CHD6: variants seen among roughly 807,000 people sequenced by gnomAD.
CHD6 encodes the protein ATP-dependent chromatin remodeler CHD6.
Under a neutral mutation model 276.9 loss-of-function variants are expected in CHD6, and 50 were observed. That is an observed-to-expected ratio of 0.18 (90% confidence interval 0.14 to 0.23). The LOEUF (loss-of-function observed/expected upper bound fraction) is 0.23, where lower values mean the gene tolerates loss of function less well. Ranked by LOEUF, CHD6 falls within the 10% of genes least tolerant of loss-of-function variation. The pLI, the probability that CHD6 is intolerant of heterozygous loss-of-function variation, is 1.00. For missense variants in CHD6, 2,564 were observed against 3,365.8 expected (o/e 0.76, Z 5.89); for synonymous variants, 1,173 against 1,229.3 (o/e 0.95, Z 0.96).
At chr20:41,550,345 G>T (rs1164142796) in intron 2 of CHD6, among the ~76,000 whole-genome samples, 1 of 152,138 alleles carries the variant, frequency 6.6e-6, no homozygotes. Flanking sequence ...TTTGAGCTAG[G>T]ACAGATATAA....
intron 5 of CHD6, 25 bp from the exon 6 acceptor site, chr20:41,499,382 G>A (rs546649612): frequency 2.7e-6 from 4 of 1,506,510 alleles, no homozygotes; most frequent in Non-Finnish European, 3.6e-6. Context: ...AAAAAAAAAA[G>A]AAAATTGCTG....
At chr20:41,496,048 AC>A (rs1465628090) in intron 8 of CHD6, among the ~76,000 whole-genome samples, 1 of 152,172 alleles carries the variant, frequency 6.6e-6, no homozygotes, top group African/African-American at 2.4e-5. Flanking sequence ...AAAGTCCCTC[AC>A]TGAATCCTGG....
chr20:41,580,742 T>C (rs1194545302), intron 1 of CHD6, among the ~76,000 whole-genome samples: 1 of 147,070 alleles, frequency 6.8e-6, no homozygotes, highest in African/African-American at 2.6e-5. Flanking sequence ...AAAACAACAA[T>C]AAATGATGTC....
At chr20:41,566,154 T>TAAAA (rs1372394614) in intron 1 of CHD6, among the ~76,000 whole-genome samples, 1 of 152,180 alleles carries the variant, frequency 6.6e-6, no homozygotes, top group Non-Finnish European at 1.5e-5. Flanking sequence ...ACACCCCACA[T>TAAAA]AATTTTCTAA....
chr20:41,611,033 G>C (rs1417578843), intron 1 of CHD6, among the ~76,000 whole-genome samples: 1 of 152,164 alleles, frequency 6.6e-6, no homozygotes, highest in Non-Finnish European at 1.5e-5. Context: ...GTCCCCGCTG[G>C]AACAGCTGCC....
At chr20:41,453,547 C>T (rs577938492) in intron 20 of CHD6, among the ~76,000 whole-genome samples, 93 of 152,272 alleles carry the variant, frequency 6.1e-4, no homozygotes, top group Admixed American at 1.8e-3. Context: ...CTCCTTCCCC[C>T]ATACCTCTTC....
At position 41,404,682 on chromosome 20, in the gene CHD6, C is replaced by T. The variant is rs374665904; in HGVS notation, c.8059G>A (p.Glu2687Lys). Residue 2687 changes from glutamate (E) to lysine (K), a missense_variant, in exon 37 of 37, where the codon GAA becomes AAA. Coordinates refer to ENST00000373233, the MANE Select transcript of CHD6 (RefSeq NM_032221.5). Reference protein sequence around the residue: ...REPSGDENCAEPSAPLPAERE... With the variant: ...REPSGDENCAKPSAPLPAERE... ...TCTGCGGGCAAAGGGGCACTGGGTT[C>T]GGCACAGTTCTCATCACCGCTGGGC... 116 of 1,572,402 alleles carry T rather than the reference C, an allele frequency of 7.4e-5. No individual in the cohort carries two copies. The highest frequency in any genetic ancestry group is 9.6e-5 in the Non-Finnish European group (111 of 1,158,756).
intron 1 of CHD6, among the ~76,000 whole-genome samples, chr20:41,598,430 A>C (rs2045740823): frequency 6.6e-6 from 1 of 152,172 alleles, no homozygotes; most frequent in Non-Finnish European, 1.5e-5. Context: ...CACGGATTAA[A>C]TATTCCGTCC....
chr20:41,555,326 T>C (rs2045213277), intron 1 of CHD6, among the ~76,000 whole-genome samples: 2 of 124,824 alleles, frequency 1.6e-5, no homozygotes, highest in African/African-American at 6.2e-5. Context: ...GAGGCGCCCC[T>C]CACCTCCCGG....
rs11379388 is a variant in CHD6, at chr20:41,615,349, C to CAAA, written c.-24+2988_-24+2990dup. Among the ~76,000 whole-genome samples, 347 of 124,332 alleles carry CAAA rather than the reference C, an allele frequency of 2.8e-3. 2 individuals carry two copies. Among genetic ancestry groups the CAAA allele is most frequent in the African/African-American group, 6.8e-3 (246 of 36,222 alleles). 81.6% of individuals were successfully genotyped at this position (124,332 alleles called of 152,430 possible). A position where few individuals can be genotyped will look rare whatever the true frequency, so the allele number is the denominator to read the frequency against. ...CTCACAAGCATGTCACATTCCATTG[C>CAAA]AAAAAAAAAAAAAAAAGTTCTCTAG... is the stretch of plus-strand genomic sequence containing the variant. On this transcript the variant is annotated intron_variant, in intron 1 of 36. Transcript: ENST00000373233.
In CHD6 at chr20:41,473,600, C is replaced by T. The variant is rs1213434989; in HGVS notation, c.2469-83G>A. The T allele has an allele frequency of 8.7e-7, 1 of 1,146,552 alleles. No homozygotes were observed. The highest frequency in any genetic ancestry group is 1.3e-6 in the Non-Finnish European group (1 of 782,186). The allele number at this position is 1,146,552 out of a possible 1,614,324, so 71.0% of individuals were successfully genotyped here. On this transcript the variant is annotated intron_variant, in intron 16 of 36. Coordinates refer to ENST00000373233, the MANE Select transcript of CHD6 (RefSeq NM_032221.5). This position sits in a 1 kb window ranked among gnomAD's most constrained non-coding sequence, Gnocchi z 4.1. ...AGCACAAAATGCAGGAAGCTGTCGA[C>T]TGATGGCCTTAAATCCCTCACTTCT...
At chr20:41,445,884 T>G in intron 24 of CHD6, 116 bp from the exon 25 acceptor site, 1 of 634,704 alleles carries the variant, frequency 1.6e-6, no homozygotes, top group Non-Finnish European at 2.9e-6. Flanking sequence ...AACAAAAGGG[T>G]TAGGAAGGCT....
intron 1 of CHD6, among the ~76,000 whole-genome samples, chr20:41,604,505 T>TA (rs1307331941): frequency 1.3e-5 from 2 of 152,206 alleles, no homozygotes; most frequent in African/African-American, 4.8e-5. Context: ...GCAGATGTCT[T>TA]AGAGTTGGCT....
In CHD6 at chr20:41,403,239, C is replaced by T; in HGVS notation, c.*1354G>A. 1 of 1,059,648 alleles carries T rather than the reference C, an allele frequency of 9.4e-7. No homozygotes were observed. The allele number at this position is 1,059,648 out of a possible 1,614,324, so 65.6% of individuals were successfully genotyped here. On this transcript the variant is annotated 3_prime_UTR_variant, in exon 37 of 37. Transcript: ENST00000373233. ...GGTACTAGTAACACTTGCAACATTT[C>T]CAAGGGTCCTGCGCAGCCCTGCGCC...
intron 1 of CHD6, among the ~76,000 whole-genome samples, chr20:41,564,421 T>C (rs2045333777): frequency 6.6e-6 from 1 of 152,120 alleles, no homozygotes; most frequent in Non-Finnish European, 1.5e-5. Context: ...AGAGGACAAA[T>C]TGAAAAGTCT....
intron 1 of CHD6, among the ~76,000 whole-genome samples, chr20:41,593,741 T>C (rs1215909625): frequency 6.6e-6 from 1 of 152,092 alleles, no homozygotes; most frequent in Admixed American, 6.5e-5. Context: ...TCTAATCCAA[T>C]ATGACTGGTA....
chr20:41,574,021 G>T (rs2045446327), intron 1 of CHD6, among the ~76,000 whole-genome samples: 1 of 152,134 alleles, frequency 6.6e-6, no homozygotes, highest in Non-Finnish European at 1.5e-5. Flanking sequence ...ATCACTCAAT[G>T]TTCAGATAAA....
chr20:41,575,650 G>A (rs1278087200), intron 1 of CHD6, among the ~76,000 whole-genome samples: 1 of 152,090 alleles, frequency 6.6e-6, no homozygotes, highest in African/African-American at 2.4e-5. Context: ...CACCATTAAC[G>A]CACCCAGAAT....
intron 17 of CHD6, among the ~76,000 whole-genome samples, chr20:41,458,971 C>A (rs924737010): frequency 6.6e-6 from 1 of 152,090 alleles, no homozygotes; most frequent in Non-Finnish European, 1.5e-5. Context: ...AAGTCTGGAG[C>A]CTTGGACTTC....
Sources: allele counts gnomAD v4.1 joint callset (sites outside exome capture counted in the v4.1 genomes callset), GRCh38; gene constraint gnomAD v4.1.1; non-coding constraint Gnocchi (gnomAD v3.1); transcripts MANE v1.5; gene names NCBI Gene and HGNC (gene_info 2026-07-23, HGNC 2026-07-21).